Variants in ARHGEF10 observed in about 807,000 individuals in gnomAD.
ARHGEF10 encodes Rho guanine nucleotide exchange factor (GEF) 10.
In ARHGEF10, 140 loss-of-function variants were observed where a neutral mutation model predicts 147.4. That is an observed-to-expected ratio of 0.95 (90% confidence interval 0.83 to 1.09). The LOEUF (loss-of-function observed/expected upper bound fraction) is 1.09. ARHGEF10 is among the 50% of genes least tolerant of loss of function. The pLI is 0.00. For synonymous variants in ARHGEF10, 902 were observed against 695.8 expected (o/e 1.30, Z -4.67); for missense variants, 2,222 against 1,752.7 (o/e 1.27, Z -4.78).
At chr8:1,833,153 GACA>G (rs1803344790) in intron 1 of ARHGEF10, among the ~76,000 whole-genome samples, 1 of 150,982 alleles carries the variant, frequency 6.6e-6, no homozygotes, top group Non-Finnish European at 1.5e-5. Flanking sequence ...CAGAAGCAGA[GACA>G]GAGGCAGAGA....
At chr8:1,939,079 C>A (rs532364189) in intron 26 of ARHGEF10, among the ~76,000 whole-genome samples, 18 of 152,236 alleles carry the variant, frequency 1.2e-4, no homozygotes, top group African/African-American at 4.1e-4. Context: ...AATCTCAGTC[C>A]CCAGACACCC....
At chr8:1,953,853 G>C (rs1463333034) in intron 28 of ARHGEF10, among the ~76,000 whole-genome samples, 1 of 152,162 alleles carries the variant, frequency 6.6e-6, no homozygotes, top group African/African-American at 2.4e-5. Flanking sequence ...AATACTAACA[G>C]AGAAAACGCT....
At chr8:1,920,500 A>T (rs1156342884) in intron 18 of ARHGEF10, among the ~76,000 whole-genome samples, 3 of 78,530 alleles carry the variant, frequency 3.8e-5, no homozygotes, top group Non-Finnish European at 8.0e-5. Context: ...TTTTTTTTTT[A>T]AACTCTATGT....
intron 25 of ARHGEF10, among the ~76,000 whole-genome samples, chr8:1,930,900 C>T (rs1813086033): frequency 6.6e-6 from 1 of 152,254 alleles, no homozygotes; most frequent in South Asian, 2.1e-4. Context: ...CCCTGCTGAT[C>T]CCTGGCCGAT....
intron 5 of ARHGEF10, among the ~76,000 whole-genome samples, chr8:1,866,226 G>A (rs948821427): frequency 5.3e-5 from 8 of 152,164 alleles, no homozygotes; most frequent in Non-Finnish European, 7.3e-5. Flanking sequence ...AAAACCAGAA[G>A]ACAGTTCAGG....
chr8:1,951,050 TG>T (rs1163002007), intron 27 of ARHGEF10, among the ~76,000 whole-genome samples: 1 of 152,212 alleles, frequency 6.6e-6, no homozygotes, highest in East Asian at 1.9e-4. Flanking sequence ...CCCATCCTAG[TG>T]CCACACGGAG....
intron 9 of ARHGEF10, 147 bp from the exon 10 acceptor site, chr8:1,882,488 C>G: frequency 1.3e-6 from 1 of 761,078 alleles, no homozygotes; most frequent in Non-Finnish European, 2.3e-6. Context: ...ACAAACAAAA[C>G]CAAAACAAAA....
rs776355888 is a variant in ARHGEF10 at position 1,923,911 on chromosome 8, G to A, written c.2488+37G>A. ...CTGGCTGAGGCTGAATGAGGCATGC[G>A]GCGTGATGATGAATTCCTGCCCACG... On this transcript the variant is annotated intron_variant, in intron 21 of 28. Coordinates refer to ENST00000349830, the MANE Select transcript of ARHGEF10 (RefSeq NM_014629.4). 8.2e-6 allele frequency: 13 copies of A among 1,591,822 alleles called. No individual in the cohort carries two copies. In the Admixed American group the frequency reaches 1.0e-4, roughly 12 times the overall value.
At chr8:1,849,639 A>G (rs1459685537) in intron 2 of ARHGEF10, among the ~76,000 whole-genome samples, 1 of 146,538 alleles carries the variant, frequency 6.8e-6, no homozygotes, top group Non-Finnish European at 1.5e-5. Context: ...TCGTGTGGAC[A>G]CAGACGGCAA....
At chr8:1,854,210 C>G (rs754118152) in intron 2 of ARHGEF10, among the ~76,000 whole-genome samples, 1 of 152,224 alleles carries the variant, frequency 6.6e-6, no homozygotes. Flanking sequence ...CCACCTTGAA[C>G]GCCCGGCCCC....
chr8:1,835,662 G>C (rs1428770869), intron 1 of ARHGEF10, among the ~76,000 whole-genome samples: 1 of 152,188 alleles, frequency 6.6e-6, no homozygotes. Flanking sequence ...ACCTCCTTTT[G>C]CAGGCCTGGG....
rs78892119 is a variant in ARHGEF10 at position 1,954,724 on chromosome 8, C to G, written c.3520+1897C>G. ...ATGCTGAGTTTTACGTCAATTATTC[C>G]TTTGGTCCTCCTCTGTAGTTGTACC... On this transcript the variant is annotated intron_variant, in intron 28 of 28. Transcript: ENST00000349830. Among the ~76,000 whole-genome samples, 807 of 152,310 alleles carry G rather than the reference C, an allele frequency of 5.3e-3. 10 individuals are homozygous for G. The highest frequency in any genetic ancestry group is 0.019 in the African/African-American group (790 of 41,576).
chr8:1,939,987 T>G lies in ARHGEF10; in HGVS notation c.3223-5494T>G, dbSNP rs2129257158. ...TCAGCGTGGAACAGATGTCAAAATT[T>G]GTTTTCAGAAGAGTATTTTGCCAGC... is the stretch of plus-strand genomic sequence containing the variant. On this transcript the variant is annotated intron_variant, in intron 26 of 28. Transcript: ENST00000349830. Among the ~76,000 whole-genome samples, 3 of 152,194 alleles carry G rather than the reference T, an allele frequency of 2.0e-5. No homozygotes were observed. In the East Asian group the frequency reaches 5.8e-4, roughly 29 times the overall value.
intron 5 of ARHGEF10, among the ~76,000 whole-genome samples, chr8:1,864,804 G>A (rs1052737814): frequency 2.6e-5 from 4 of 152,230 alleles, no homozygotes; most frequent in African/African-American, 4.8e-5. Flanking sequence ...GGGTATCTGG[G>A]GAGCAGCAGC....
intron 23 of ARHGEF10, 33 bp downstream of exon 23, chr8:1,926,496 T>G: frequency 1.3e-6 from 2 of 1,580,008 alleles, no homozygotes; most frequent in Non-Finnish European, 1.7e-6. Context: ...TGGTACAAGT[T>G]CACAGAGAAT....
intron 1 of ARHGEF10, among the ~76,000 whole-genome samples, chr8:1,833,565 C>T (rs1310298307): frequency 1.3e-5 from 2 of 152,186 alleles, no homozygotes; most frequent in African/African-American, 2.4e-5. Context: ...TCTTCTTTGG[C>T]GCCCTGTTAC....
chr8:1,952,026 G>A (rs925850214), intron 27 of ARHGEF10, among the ~76,000 whole-genome samples: 15 of 151,430 alleles, frequency 9.9e-5, no homozygotes, highest in Non-Finnish European at 1.5e-4. Flanking sequence ...TGTCACTGCC[G>A]GAGCAAATTG....
chr8:1,857,185 T>C (rs952955847), intron 2 of ARHGEF10, among the ~76,000 whole-genome samples: 1 of 152,206 alleles, frequency 6.6e-6, no homozygotes, highest in African/African-American at 2.4e-5. Context: ...GACACTGATT[T>C]TCTAACCATC....
At position 1,909,485 on chromosome 8, in the gene ARHGEF10, C is replaced by G. The variant is rs781236383; in HGVS notation, c.2143+15C>G. The G allele has an allele frequency of 6.2e-7, 1 of 1,613,472 alleles. No individual in the cohort carries two copies. The highest frequency in any genetic ancestry group is 8.5e-7 in the Non-Finnish European group (1 of 1,179,864). On this transcript the variant is annotated intron_variant, in intron 18 of 28. Coordinates refer to ENST00000349830, the MANE Select transcript of ARHGEF10 (RefSeq NM_014629.4). The stretch of plus-strand genomic sequence containing the variant: ...CGCGAAACCAAGTAAGTGATGCTTT[C>G]TCTCACGTTCGTGCCGTGGGGCCAG...
Sources: allele counts gnomAD v4.1 joint callset (sites outside exome capture counted in the v4.1 genomes callset), GRCh38; gene constraint gnomAD v4.1.1; transcripts MANE v1.5; gene names NCBI Gene and HGNC (gene_info 2026-07-23, HGNC 2026-07-21).